The following SCML2 variants were observed in gnomAD, a reference collection of about 807,000 sequenced individuals.
The protein encoded by SCML2 is sex comb on midleg-like protein 2.
SCML2 carries 6 observed loss-of-function variants against 48.4 expected under a neutral mutation model. That is an observed-to-expected ratio of 0.12 (90% CI 0.07 to 0.24). The LOEUF (loss-of-function observed/expected upper bound fraction) is 0.24. Among genes scored for constraint, SCML2 ranks in the 10% least tolerant of loss-of-function variants. The probability of loss-of-function intolerance (pLI) is 1.00; values close to 1 mark genes in which losing one functional copy is unlikely to be tolerated. For missense variants in SCML2, 377 were observed against 528.2 expected, an observed-to-expected ratio of 0.71 and a Z score of 2.81; for synonymous variants, 181 against 189.5, an observed-to-expected ratio of 0.95 and a Z score of 0.37.
At chrX:18,306,341 G>A (rs184896679) in intron 6 of SCML2, among the ~76,000 whole-genome samples, 7 of 111,075 alleles carry the variant, frequency 6.3e-5, no homozygotes, top group East Asian at 5.7e-4. Context: ...AGTCTGTCTC[G>A]GAGTCACCTC....
At chrX:18,261,176 AT>A (rs746249261) in intron 8 of SCML2, among the ~76,000 whole-genome samples, 96 of 100,627 alleles carry the variant, frequency 9.5e-4, no homozygotes, top group East Asian at 3.1e-3. Context: ...AAAAAATGTG[AT>A]TTTTTTTTTT....
At chrX:18,317,791 G>T (rs1205571042) in intron 6 of SCML2, among the ~76,000 whole-genome samples, 2 of 94,524 alleles carry the variant, frequency 2.1e-5, no homozygotes, top group Non-Finnish European at 4.0e-5. Context: ...CCGAGATCGC[G>T]CCACTGCACT....
At position 18,320,383 on chromosome X, in the gene SCML2, G is replaced by A. The variant is rs190711737; in HGVS notation, c.435C>T (p.Leu145=). The part of the protein sequence containing the change: ...QMNTSSWPMF[L]LKTLNGSEMA... ...TTTCAGACCCATTTAGTGTCTTTAA[G>A]AGGAACATCGGCCAGGAGGATGTAT... is the stretch of plus-strand genomic sequence containing the variant. Residue 145 remains leucine, a synonymous_variant, in exon 6 of 15, where the codon CTC becomes CTT. Transcript: ENST00000251900. 13 of 1,157,821 alleles carry A rather than the reference G, an allele frequency of 1.1e-5. No homozygotes were observed. Among genetic ancestry groups the A allele is most frequent in the African/African-American group, 3.5e-5 (2 of 56,685 alleles).
chrX:18,269,528 T>C (rs930633180), intron 7 of SCML2, among the ~76,000 whole-genome samples: 24 of 111,853 alleles, frequency 2.1e-4, no homozygotes, highest in African/African-American at 7.8e-4. Flanking sequence ...CAGTTCCTTA[T>C]AGCAGTATGA....
chrX:18,328,719 G>A (rs987554893), intron 3 of SCML2, among the ~76,000 whole-genome samples: 3 of 111,629 alleles, frequency 2.7e-5, no homozygotes, highest in African/African-American at 6.5e-5. Flanking sequence ...TATATTGTTC[G>A]TAACTGGATT....
At chrX:18,306,778 T>G (rs1928771313) in intron 6 of SCML2, among the ~76,000 whole-genome samples, 1 of 111,248 alleles carries the variant, frequency 9.0e-6, no homozygotes, top group East Asian at 2.8e-4. Flanking sequence ...ACCCTTACGA[T>G]CTGGAAGCTC....
At chrX:18,249,976 G>T (rs1384470618) in intron 11 of SCML2, among the ~76,000 whole-genome samples, 1 of 111,082 alleles carries the variant, frequency 9.0e-6, no homozygotes, top group Non-Finnish European at 1.9e-5. Context: ...TCTTAACAAA[G>T]AAACACAGAC....
intron 1 of SCML2, among the ~76,000 whole-genome samples, chrX:18,334,664 T>C (rs1446057798): frequency 1.8e-5 from 2 of 112,008 alleles, no homozygotes; most frequent in African/African-American, 6.5e-5. Flanking sequence ...AAACTTTTCC[T>C]GCATGTCCTC....
chrX:18,262,917 T>C (rs890078742), intron 8 of SCML2, among the ~76,000 whole-genome samples: 1 of 107,017 alleles, frequency 9.3e-6, no homozygotes, highest in Non-Finnish European at 1.9e-5. Context: ...GGTTTTGCCA[T>C]GTTGCCCAGG....
rs367789596 is a variant in SCML2, at chrX:18,277,163, C to T, written c.731-11361G>A. On this transcript the variant is annotated intron_variant, in intron 7 of 14. Transcript: ENST00000251900. ...ATGGCTCACTGCAGCCTCGACTTCCCAGGCTCAAGAGATCCTCCCACTTCA... is the reference window on the plus strand; with the variant it reads ...ATGGCTCACTGCAGCCTCGACTTCCTAGGCTCAAGAGATCCTCCCACTTCA... Among the ~76,000 whole-genome samples the T allele has an allele frequency of 1.6e-3, 181 of 111,627 alleles. No individual in the cohort carries two copies. In the South Asian group the frequency reaches 0.028, roughly 17 times the overall value.
intron 1 of SCML2, among the ~76,000 whole-genome samples, chrX:18,340,523 A>C (rs1929977629): frequency 8.9e-6 from 1 of 112,063 alleles, no homozygotes; most frequent in Non-Finnish European, 1.9e-5. Flanking sequence ...ACATGTGATA[A>C]ACAAGGCCGG....
intron 1 of SCML2, among the ~76,000 whole-genome samples, chrX:18,348,486 T>A (rs1930271921): frequency 9.0e-6 from 1 of 111,584 alleles, no homozygotes; most frequent in South Asian, 3.7e-4. Flanking sequence ...TGTCAGCAAA[T>A]TACCCATTCA....
intron 10 of SCML2, among the ~76,000 whole-genome samples, chrX:18,257,657 G>C (rs927099136): frequency 4.6e-5 from 5 of 109,831 alleles, no homozygotes; most frequent in African/African-American, 1.7e-4. Context: ...CGAGGCCAAG[G>C]TGGGCAGATC....
At chrX:18,325,118 T>A in intron 3 of SCML2, 141 bp from the exon 4 acceptor site, 2 of 379,798 alleles carry the variant, frequency 5.3e-6, no homozygotes, top group Non-Finnish European at 9.2e-6. Context: ...AAGAGTAGAT[T>A]CAAAAATCCT....
chrX:18,325,413 G>A (rs990664605), intron 3 of SCML2, among the ~76,000 whole-genome samples: 9 of 111,783 alleles, frequency 8.1e-5, no homozygotes, highest in African/African-American at 2.3e-4. Context: ...TAAAGGTTTA[G>A]TGTGCAGTCA....
At position 18,331,259 on chromosome X, in the gene SCML2, C is replaced by CAAAAAAA. The variant is rs35589774; in HGVS notation, c.23-611_23-605dup. ...TGGGTGACAGAGCGAGACTCCGTCT[C>CAAAAAAA]AAAAAAAAAAAAAAAAAAAAAAAAA... On this transcript the variant is annotated intron_variant, in intron 2 of 14. Transcript: ENST00000251900. Among the ~76,000 whole-genome samples the CAAAAAAA allele has an allele frequency of 1.7e-3, 27 of 16,265 alleles. 5 individuals are homozygous for CAAAAAAA. The highest frequency in any genetic ancestry group is 6.1e-3 in the African/African-American group (25 of 4,104). The allele number at this position is 16,265 out of a possible 115,157, so 14.1% of individuals were successfully genotyped here. A position where few individuals can be genotyped will look rare whatever the true frequency, so the allele number is the denominator to read the frequency against.
rs1019112113 is a variant in SCML2, at chrX:18,241,000, T to C, written c.*251A>G. Reference sequence around the variant, plus strand: ...ACATAAAGAACTGCCAATTTGAATATGCCAATACTAACCTGTTAAATGCTT... The same window carrying C: ...ACATAAAGAACTGCCAATTTGAATACGCCAATACTAACCTGTTAAATGCTT... On this transcript the variant is annotated 3_prime_UTR_variant, in exon 15 of 15. Coordinates refer to ENST00000251900, the MANE Select transcript of SCML2 (RefSeq NM_006089.3). 1.2e-5 allele frequency: 2 copies of C among 171,384 alleles called. No homozygotes were observed. The highest frequency in any genetic ancestry group is 2.2e-5 in the Non-Finnish European group (2 of 90,456). 14.1% of individuals were successfully genotyped at this position (171,384 alleles called of 1,213,427 possible).
At chrX:18,330,341 G>A (rs1979952136) in intron 3 of SCML2, among the ~76,000 whole-genome samples, 1 of 111,528 alleles carries the variant, frequency 9.0e-6, no homozygotes, top group Admixed American at 9.5e-5. Flanking sequence ...CTATAATTTA[G>A]GAAAATTTGC....
chrX:18,250,264 G>C (rs1195515290), intron 11 of SCML2, among the ~76,000 whole-genome samples: 8 of 112,129 alleles, frequency 7.1e-5, no homozygotes, highest in African/African-American at 2.6e-4. Flanking sequence ...CCATGCTGGA[G>C]TGCAATGGCA....
Sources: allele counts gnomAD v4.1 joint callset (sites outside exome capture counted in the v4.1 genomes callset), GRCh38; gene constraint gnomAD v4.1.1; transcripts MANE v1.5; gene names NCBI Gene and HGNC (gene_info 2026-07-23, HGNC 2026-07-21).